Variants in CAST observed in about 807,000 individuals in gnomAD.
CAST encodes the protein calpastatin.
CAST carries 76 observed loss-of-function variants against 119.6 expected under a neutral mutation model. The ratio of observed to expected loss-of-function variants is 0.64; its 90% CI spans 0.53 to 0.77. The LOEUF is 0.77. Ranked by LOEUF, CAST falls within the 30% of genes least tolerant of loss-of-function variation. The pLI is 0.00. For synonymous variants in CAST, 319 were observed against 331.6 expected (o/e 0.96, Z 0.41); for missense variants, 953 against 946.5 (o/e 1.01, Z -0.09).
chr5:96,334,476 C>T, the CAST span, among the ~76,000 whole-genome samples: 4 of 152,128 alleles, frequency 2.6e-5, no homozygotes, highest in Admixed American at 6.6e-5. Context: ...GCCACACCAT[C>T]GGAGGTTCTG....
chr5:96,157,985 A>G, the CAST span, among the ~76,000 whole-genome samples: 1 of 152,196 alleles, frequency 6.6e-6, no homozygotes, highest in Non-Finnish European at 1.5e-5. Flanking sequence ...TGGTTTTCCC[A>G]GGGTGAAAGT....
the CAST span, among the ~76,000 whole-genome samples, chr5:96,197,389 G>A: frequency 6.6e-6 from 1 of 152,132 alleles, no homozygotes; most frequent in Admixed American, 6.5e-5. Context: ...GCTTTTCTGA[G>A]GGGTTTATTT....
intron 4 of CAST, among the ~76,000 whole-genome samples, chr5:96,725,701 T>A (rs1431936930): frequency 6.6e-6 from 1 of 152,228 alleles, no homozygotes; most frequent in African/African-American, 2.4e-5. Flanking sequence ...ACATTCTTAA[T>A]TGTAGTGTAG....
the CAST span, chr5:96,433,366 G>T: frequency 2.5e-6 from 1 of 398,438 alleles, no homozygotes; most frequent in South Asian, 2.3e-5. Context: ...TCCCGGCGGG[G>T]CGGAGAAGCG....
At chr5:96,701,029 C>T (rs1211854279) in intron 3 of CAST, among the ~76,000 whole-genome samples, 12 of 152,038 alleles carry the variant, frequency 7.9e-5, no homozygotes, top group Middle Eastern at 3.4e-3. Context: ...CAGGTTCAAG[C>T]GATAATCCTG....
At chr5:96,641,025 C>A (rs1747943496) in intron 1 of CAST, among the ~76,000 whole-genome samples, 1 of 152,172 alleles carries the variant, frequency 6.6e-6, no homozygotes, top group Non-Finnish European at 1.5e-5. Context: ...CAAAAGCATA[C>A]TGTCAAATTT....
chr5:96,065,753 C>A, the CAST span, among the ~76,000 whole-genome samples: 6 of 152,238 alleles, frequency 3.9e-5, 2 homozygotes. Context: ...AGAGTGAATT[C>A]TCTTTGTGCT....
At chr5:96,322,423 G>A in the CAST span, among the ~76,000 whole-genome samples, 4 of 152,218 alleles carry the variant, frequency 2.6e-5, no homozygotes, top group South Asian at 4.1e-4. Context: ...CTCTCCAACC[G>A]GGAGCCACAG....
chr5:96,476,571 A>T, the CAST span, among the ~76,000 whole-genome samples: 12 of 152,190 alleles, frequency 7.9e-5, no homozygotes, highest in Non-Finnish European at 1.6e-4. Flanking sequence ...TTTTACACCC[A>T]AACACATGAA....
At position 96,754,061 on chromosome 5, in the gene CAST, A is replaced by T; in HGVS notation, c.1526A>T (p.Lys509Met). Residue 509 changes from lysine (K) to methionine (M), a missense_variant and splice_region_variant, in exon 21 of 32, where the codon AAG (lysine) becomes ATG (methionine). Physicochemically the swap from Lys to Met is moderately conservative, Grantham distance 95. Coordinates refer to ENST00000675179, the MANE Select transcript of CAST (RefSeq NM_001750.7). Reference sequence around the variant, plus strand: ...ATATATCCACTAATGCACTTTCAGAAGGGCACAGTGCCAGATGATGCTGTA... The same window carrying T: ...ATATATCCACTAATGCACTTTCAGATGGGCACAGTGCCAGATGATGCTGTA... ...QSAPPEPATL[K>M]GTVPDDAVEA... The T allele has an allele frequency of 1.2e-6, 2 of 1,604,474 alleles. No individual in the cohort carries two copies. Among genetic ancestry groups the T allele is most frequent in the South Asian group, 2.2e-5 (2 of 90,876 alleles).
chr5:96,165,769 G>A, the CAST span, among the ~76,000 whole-genome samples: 2 of 152,150 alleles, frequency 1.3e-5, no homozygotes, highest in South Asian at 2.1e-4. Context: ...AAATAAAAGT[G>A]AATCAATAAA....
chr5:96,642,798 C>A (rs987634690), intron 1 of CAST, among the ~76,000 whole-genome samples: 1 of 152,154 alleles, frequency 6.6e-6, no homozygotes. Context: ...ATCCGCCCAC[C>A]TAGGCCTTCC....
chr5:96,294,049 T>C, the CAST span, among the ~76,000 whole-genome samples: 1 of 152,236 alleles, frequency 6.6e-6, no homozygotes, highest in African/African-American at 2.4e-5. Flanking sequence ...CATGAGCCAC[T>C]GTGCCTGGCC....
chr5:96,194,620 C>G, the CAST span, among the ~76,000 whole-genome samples: 1 of 152,076 alleles, frequency 6.6e-6, no homozygotes, highest in Non-Finnish European at 1.5e-5. Flanking sequence ...ATCTTTTATC[C>G]TTATAGTTTC....
chr5:96,483,170 G>A, the CAST span, among the ~76,000 whole-genome samples: 1 of 152,150 alleles, frequency 6.6e-6, no homozygotes. Context: ...CCATTGAAAT[G>A]TAAATGTAAG....
intron 1 of CAST, among the ~76,000 whole-genome samples, chr5:96,599,966 C>CAAAAAAAAAAAAAAAAAAAA (rs74978713): frequency 3.0e-4 from 14 of 47,206 alleles, no homozygotes; most frequent in African/African-American, 8.6e-4. Flanking sequence ...CTTCATTAGG[C>CAAAAAAAAAAAAAAAAAAAA]AAAAAAAAAA....
At chr5:96,671,695 G>C (rs1357569399) in intron 1 of CAST, among the ~76,000 whole-genome samples, 1 of 152,210 alleles carries the variant, frequency 6.6e-6, no homozygotes, top group Non-Finnish European at 1.5e-5. Flanking sequence ...TCTGTAATTA[G>C]TTTTGTGGTT....
At chr5:96,166,604 G>A in the CAST span, among the ~76,000 whole-genome samples, 1 of 152,108 alleles carries the variant, frequency 6.6e-6, no homozygotes, top group Non-Finnish European at 1.5e-5. Context: ...TTTAATGATT[G>A]AATTTATAAT....
At position 96,754,177 on chromosome 5, in the gene CAST, A is replaced by T. The variant is rs552493174; in HGVS notation, c.1626+16A>T. The T allele has an allele frequency of 3.5e-6, 5 of 1,408,594 alleles. No individual in the cohort carries two copies. Among genetic ancestry groups the T allele is most frequent in the Non-Finnish European group, 5.0e-6 (5 of 992,494 alleles). The allele number at this position is 1,408,594 out of a possible 1,614,324, so 87.3% of individuals were successfully genotyped here. Reference sequence around the variant, plus strand: ...TAAAGTCAAGGTAATGGCAACTGAGATGCTTCTGGAAAATAAATATCATTG... The same window carrying T: ...TAAAGTCAAGGTAATGGCAACTGAGTTGCTTCTGGAAAATAAATATCATTG... On this transcript the variant is annotated intron_variant, in intron 21 of 31. Coordinates refer to ENST00000675179, the MANE Select transcript of CAST (RefSeq NM_001750.7).
Sources: gnomAD v4.1 joint callset for allele counts (sites outside exome capture counted in the v4.1 genomes callset) on GRCh38, gnomAD v4.1.1 for gene constraint, MANE v1.5 for transcripts, NCBI Gene and HGNC (gene_info 2026-07-23, HGNC 2026-07-21) for gene names.